Variants in GNA14 observed in about 807,000 individuals in gnomAD.
GNA14 encodes guanine nucleotide-binding protein subunit alpha-14.
GNA14 carries 50 observed loss-of-function variants against 42.0 expected under a neutral mutation model. The ratio of observed to expected loss-of-function variants is 1.19; its 90% CI spans 0.95 to 1.51. The LOEUF is 1.51. Ranked by LOEUF, GNA14 falls within the 40% of genes most tolerant of loss-of-function variation. GNA14 has a pLI of 0.00. For missense variants in GNA14, 473 were observed against 446.2 expected, an observed-to-expected ratio of 1.06 and a Z score of -0.54; for synonymous variants, 173 against 163.1, an observed-to-expected ratio of 1.06 and a Z score of -0.46.
Position 77,620,814 on chromosome 9 carries a change from C to T in GNA14, c.124+26856G>A, listed in dbSNP as rs571866364. Reference sequence around the variant, plus strand: ...AGTGAGCCAAGATCACACCACTGCACTCCAGCCTGGGCAACAGAGGGAGAA... The same window carrying T: ...AGTGAGCCAAGATCACACCACTGCATTCCAGCCTGGGCAACAGAGGGAGAA... On this transcript the variant is annotated intron_variant, in intron 1 of 6. Transcript: ENST00000341700. 7.3e-5 allele frequency among the ~76,000 whole-genome samples: 10 copies of T among 137,610 alleles called. No homozygotes were observed. The South Asian group carries it at 1.1e-3, about 16-fold the overall frequency. The allele number at this position is 137,610 out of a possible 152,430, so 90.3% of individuals were successfully genotyped here.
At chr9:77,530,896 T>C (rs1282499704) in intron 1 of GNA14, among the ~76,000 whole-genome samples, 1 of 152,176 alleles carries the variant, frequency 6.6e-6, no homozygotes, top group Non-Finnish European at 1.5e-5. Flanking sequence ...AACTGGTAAT[T>C]AGTCAGGGGA....
At chr9:77,643,897 C>A (rs1176463724) in intron 1 of GNA14, among the ~76,000 whole-genome samples, 5 of 152,138 alleles carry the variant, frequency 3.3e-5, no homozygotes, top group Middle Eastern at 3.2e-3. Context: ...TGATACTGAG[C>A]ACTCACTGCC....
At chr9:77,430,661 G>A (rs991917720) in intron 4 of GNA14, among the ~76,000 whole-genome samples, 2 of 152,186 alleles carry the variant, frequency 1.3e-5, no homozygotes, top group South Asian at 2.1e-4. Context: ...CTAGAAAATC[G>A]TGTGTGATAA....
chr9:77,604,911 C>CT (rs1220709828), intron 1 of GNA14, among the ~76,000 whole-genome samples: 1 of 152,222 alleles, frequency 6.6e-6, no homozygotes, highest in Non-Finnish European at 1.5e-5. Context: ...AAAAATACAT[C>CT]TTTGAGTTTC....
At chr9:77,458,034 T>C (rs1836035472) in intron 2 of GNA14, among the ~76,000 whole-genome samples, 1 of 152,226 alleles carries the variant, frequency 6.6e-6, no homozygotes, top group Admixed American at 6.5e-5. Flanking sequence ...GATGCATTTT[T>C]GGTTGTTTTC....
chr9:77,612,803 A>G (rs1316266780), intron 1 of GNA14, among the ~76,000 whole-genome samples: 1 of 152,162 alleles, frequency 6.6e-6, no homozygotes, highest in African/African-American at 2.4e-5. Context: ...AAAATATTGG[A>G]CTTGGCAGTT....
intron 3 of GNA14, among the ~76,000 whole-genome samples, 172 bp downstream of exon 3, chr9:77,434,196 A>G (rs1835603798): frequency 6.6e-6 from 1 of 152,172 alleles, no homozygotes; most frequent in Non-Finnish European, 1.5e-5. Context: ...CGAGGGCTTT[A>G]GGAGGTGGTG....
rs781490674 is a variant in GNA14 at position 77,529,102 on chromosome 9, C to T, written c.276G>A (p.Thr92=). Residue 92 remains threonine, a synonymous_variant, in exon 2 of 7, where the codon ACG becomes ACA. Coordinates refer to ENST00000341700, the MANE Select transcript of GNA14 (RefSeq NM_004297.4). ...AMQAMIRAMD[T]LRIQYVCEQN... The stretch of plus-strand genomic sequence containing the variant: ...GTTCACACACATACTGTATCCTTAG[C>T]GTGTCCATCGCTCTGATCATGGCTT... 9 of 1,614,130 alleles carry T rather than the reference C, an allele frequency of 5.6e-6. No individual in the cohort carries two copies. The highest frequency in any genetic ancestry group is 2.2e-5 in the East Asian group (1 of 44,882).
chr9:77,630,531 T>C (rs866681587), intron 1 of GNA14, among the ~76,000 whole-genome samples: 4 of 152,192 alleles, frequency 2.6e-5, no homozygotes, highest in East Asian at 1.9e-4. Context: ...TTTTAAAATG[T>C]GTAAATAGGT....
At chr9:77,621,545 G>T (rs544300513) in intron 1 of GNA14, among the ~76,000 whole-genome samples, 5 of 152,004 alleles carry the variant, frequency 3.3e-5, no homozygotes, top group African/African-American at 9.7e-5. Flanking sequence ...GTTGGCTTAC[G>T]TAAAACAAAC....
At chr9:77,478,247 A>G (rs1389596546) in intron 2 of GNA14, among the ~76,000 whole-genome samples, 1 of 146,676 alleles carries the variant, frequency 6.8e-6, no homozygotes, top group Non-Finnish European at 1.5e-5. Context: ...CGCATTGTTC[A>G]ATTCCCACCT....
At chr9:77,554,873 T>A (rs756577827) in intron 1 of GNA14, among the ~76,000 whole-genome samples, 3 of 152,212 alleles carry the variant, frequency 2.0e-5, no homozygotes, top group African/African-American at 4.8e-5. Context: ...TTTCTTTTTT[T>A]AAATGCAAAT....
Position 77,423,887 on chromosome 9 carries a change from G to T in GNA14, c.*92C>A. 1 of 799,754 alleles carries T rather than the reference G, an allele frequency of 1.3e-6. No individual in the cohort carries two copies. Among genetic ancestry groups the T allele is most frequent in the Non-Finnish European group, 2.0e-6 (1 of 509,134 alleles). The allele number at this position is 799,754 out of a possible 1,614,324, so 49.5% of individuals were successfully genotyped here. A position where few individuals can be genotyped will look rare whatever the true frequency, so the allele number is the denominator to read the frequency against. On this transcript the variant is annotated 3_prime_UTR_variant, in exon 7 of 7. Coordinates refer to ENST00000341700, the MANE Select transcript of GNA14 (RefSeq NM_004297.4). ...TGACATCCTTAGTTCCTGGCATGGG[G>T]CTGGCTCTGGTGATGTCAGAAGCAC...
intron 1 of GNA14, among the ~76,000 whole-genome samples, chr9:77,630,112 GTTT>G (rs138576637): frequency 0.31 from 43,549 of 139,676 alleles, 8,830 homozygotes; most frequent in African/African-American, 0.59. Flanking sequence ...TTTGTTTTTT[GTTT>G]TTTTTTTTTT....
At chr9:77,570,403 C>T (rs931263330) in intron 1 of GNA14, among the ~76,000 whole-genome samples, 1 of 152,174 alleles carries the variant, frequency 6.6e-6, no homozygotes, top group Non-Finnish European at 1.5e-5. Flanking sequence ...TCCTTGCCCC[C>T]ACCACTGCAG....
At position 77,529,211 on chromosome 9, in the gene GNA14, C is replaced by A. The variant is rs776462554; in HGVS notation, c.167G>T (p.Arg56Ile). 1.2e-6 allele frequency: 2 copies of A among 1,614,158 alleles called. No individual in the cohort carries two copies. Among genetic ancestry groups the A allele is most frequent in the African/African-American group, 2.7e-5 (2 of 75,050 alleles). The change falls in exon 2 of 7, where the codon AGA (arginine) becomes ATA (isoleucine). Residue 56 changes from arginine to isoleucine, a missense_variant. Transcript: ENST00000341700. ...GCTGTAACCAGACCCATGGATAATT[C>A]TCATCTGCTTGATAAAGGTGCTTTT... ...SGKSTFIKQMRIIHGSGYSDE... is the reference protein window; with the variant it reads ...SGKSTFIKQMIIIHGSGYSDE...
At chr9:77,618,725 C>T (rs1483001903) in intron 1 of GNA14, among the ~76,000 whole-genome samples, 1 of 137,884 alleles carries the variant, frequency 7.3e-6, no homozygotes. Flanking sequence ...GCTCCGCCTC[C>T]CGGGTTCACG....
chr9:77,624,947 C>T (rs1159123321), intron 1 of GNA14, among the ~76,000 whole-genome samples: 1 of 151,806 alleles, frequency 6.6e-6, no homozygotes, highest in Non-Finnish European at 1.5e-5. Flanking sequence ...TGGGTAATAA[C>T]AAACTCCTCC....
At chr9:77,426,481 T>C (rs535537662) in intron 5 of GNA14, among the ~76,000 whole-genome samples, 1 of 152,266 alleles carries the variant, frequency 6.6e-6, no homozygotes, top group South Asian at 2.1e-4. Flanking sequence ...ATTTTTTGTA[T>C]TTTTAATAGA....
Sources: gnomAD v4.1 joint callset for allele counts (sites outside exome capture counted in the v4.1 genomes callset) on GRCh38, gnomAD v4.1.1 for gene constraint, MANE v1.5 for transcripts, NCBI Gene and HGNC (gene_info 2026-07-23, HGNC 2026-07-21) for gene names.